The following RETREG3 variants were observed in gnomAD, a reference collection of about 807,000 sequenced individuals.
RETREG3 encodes reticulophagy regulator family member 3.
In RETREG3, 23 loss-of-function variants were observed where a neutral mutation model predicts 50.2. The ratio of observed to expected loss-of-function variants is 0.46; its 90% CI spans 0.33 to 0.65. RETREG3 has a LOEUF of 0.65. RETREG3 is among the 30% of genes least tolerant of loss of function. The pLI is 0.02. For missense variants in RETREG3, 546 were observed against 598.0 expected (o/e 0.91, Z 0.91); for synonymous variants, 240 against 234.4 (o/e 1.02, Z -0.22).
At chr17:42,588,648 G>A (rs570814777) in intron 2 of RETREG3, among the ~76,000 whole-genome samples, 12 of 151,002 alleles carry the variant, frequency 7.9e-5, no homozygotes, top group South Asian at 2.1e-4. Context: ...GTACCCAGCC[G>A]AAATCTGCCT....
chr17:42,592,302 A>G (rs4793253), intron 1 of RETREG3, 140 bp from the exon 2 acceptor site: 239,833 of 617,478 alleles, frequency 0.39, 48,789 homozygotes, highest in East Asian at 0.53. Context: ...CTAGTTATAC[A>G]CCTAGGGTAA....
chr17:42,583,245 T>C (rs923962073), intron 7 of RETREG3, among the ~76,000 whole-genome samples: 2 of 152,122 alleles, frequency 1.3e-5, no homozygotes, highest in Non-Finnish European at 1.5e-5. Flanking sequence ...TCTTCCATAA[T>C]GGTAGGGTAA....
At chr17:42,607,066 T>C (rs981804574) in intron 1 of RETREG3, among the ~76,000 whole-genome samples, 1 of 152,024 alleles carries the variant, frequency 6.6e-6, no homozygotes, top group Non-Finnish European at 1.5e-5. Flanking sequence ...TACAAATTGG[T>C]TTAATGAGGC....
intron 2 of RETREG3, among the ~76,000 whole-genome samples, chr17:42,591,623 C>T (rs181493423): frequency 9.2e-5 from 14 of 152,270 alleles, no homozygotes; most frequent in Admixed American, 3.9e-4. Flanking sequence ...TACTAATAGG[C>T]GTTAGCCACT....
At chr17:42,583,219 T>C (rs2093113775) in intron 7 of RETREG3, among the ~76,000 whole-genome samples, 2 of 152,290 alleles carry the variant, frequency 1.3e-5, no homozygotes, top group Admixed American at 1.3e-4. Flanking sequence ...AAGATGATCA[T>C]ACTAGCTCCA....
chr17:42,592,114 G>A lies in RETREG3; in HGVS notation c.288C>T (p.Gly96=). The A allele has an allele frequency of 6.2e-7, 1 of 1,613,842 alleles. No individual in the cohort carries two copies. Among genetic ancestry groups the A allele is most frequent in the Non-Finnish European group, 8.5e-7 (1 of 1,179,948 alleles). Residue 96 remains glycine (G), a synonymous_variant, in exon 2 of 9, where the codon GGC becomes GGT. Transcript: ENST00000309428. The part of the protein sequence containing the change: ...SLRLVFLLAF[G]LMIIVCIDQW... Reference sequence around the variant, plus strand: ...GATCAATACACACAATGATCATCAAGCCAAATGCAAGTAAAAACACAAGAC... The same window carrying A: ...GATCAATACACACAATGATCATCAAACCAAATGCAAGTAAAAACACAAGAC...
At chr17:42,596,177 T>G (rs1226425880) in intron 1 of RETREG3, among the ~76,000 whole-genome samples, 1 of 150,824 alleles carries the variant, frequency 6.6e-6, no homozygotes, top group Non-Finnish European at 1.5e-5. Flanking sequence ...GAGACCAGCC[T>G]GGACAATATA....
At chr17:42,600,755 G>A (rs2093156906) in intron 1 of RETREG3, among the ~76,000 whole-genome samples, 1 of 152,148 alleles carries the variant, frequency 6.6e-6, no homozygotes, top group Non-Finnish European at 1.5e-5. Context: ...AAAGTGTGAA[G>A]ACAGGCTATT....
chr17:42,594,054 A>G (rs1398146875), intron 1 of RETREG3, among the ~76,000 whole-genome samples: 2 of 152,206 alleles, frequency 1.3e-5, no homozygotes, highest in African/African-American at 4.8e-5. Context: ...TGAGCTGAGC[A>G]TGGTGGCGCG....
rs757604602 is a variant in RETREG3, at chr17:42,582,202, T to C, written c.1012A>G (p.Met338Val). 6.2e-6 allele frequency: 10 copies of C among 1,613,576 alleles called. No individual in the cohort carries two copies. Residue 338 changes from methionine (M) to valine (V), a missense_variant, in exon 9 of 9, where the codon ATG (methionine) becomes GTG (valine). By Grantham distance (21) the Met-to-Val change is conservative. Coordinates refer to ENST00000309428, the MANE Select transcript of RETREG3 (RefSeq NM_178126.4). Reference protein sequence around the residue: ...RDLPDFPSINMDPAGLDDEDD... With the variant: ...RDLPDFPSINVDPAGLDDEDD... ...TCATCATCCAGGCCAGCAGGATCCA[T>C]ATTAATGGAAGGGAAGTCTGGAAGG... is the stretch of plus-strand genomic sequence containing the variant.
chr17:42,608,002 G>C (rs2093171496), intron 1 of RETREG3, among the ~76,000 whole-genome samples: 1 of 152,096 alleles, frequency 6.6e-6, no homozygotes, highest in Non-Finnish European at 1.5e-5. Flanking sequence ...AATGAACTTG[G>C]AATTATTTGT....
intron 7 of RETREG3, among the ~76,000 whole-genome samples, chr17:42,583,279 T>G (rs1487838061): frequency 6.6e-6 from 1 of 152,064 alleles, no homozygotes; most frequent in African/African-American, 2.4e-5. Context: ...AGAGCGGTGC[T>G]GGGCATCAGG....
At position 42,587,844 on chromosome 17, in the gene RETREG3, C is replaced by A; in HGVS notation, c.367G>T (p.Asp123Tyr). Residue 123 changes from aspartate (D) to tyrosine (Y), a missense_variant, in exon 3 of 9, where the codon GAC becomes TAC. Asp to Tyr is a radical substitution (Grantham distance 160). Coordinates refer to ENST00000309428, the MANE Select transcript of RETREG3 (RefSeq NM_178126.4). ...ATTAGTGTTCCATACCTCTCATTGT[C>A]TAATGCGTCGGGTCTTGGCACTACA... ...EIKVPRPDAL[D>Y]NESWGFVHPR... The A allele has an allele frequency of 6.2e-7, 1 of 1,614,158 alleles. No individual in the cohort carries two copies. Among genetic ancestry groups the A allele is most frequent in the Non-Finnish European group, 8.5e-7 (1 of 1,180,028 alleles).
At chr17:42,608,958 G>A (rs1213097697) in intron 1 of RETREG3, 128 bp downstream of exon 1, 1 of 938,272 alleles carries the variant, frequency 1.1e-6, no homozygotes, top group African/African-American at 1.7e-5. Context: ...GGAAGGAGGT[G>A]AGGCAAAATT....
rs1318776145 is a variant in RETREG3 at position 42,586,751 on chromosome 17, G to A, written c.504+14C>T. 4 of 1,612,772 alleles carry A rather than the reference G, an allele frequency of 2.5e-6. No individual in the cohort carries two copies. Among genetic ancestry groups the A allele is most frequent in the East Asian group, 2.2e-5 (1 of 44,840 alleles). On this transcript the variant is annotated intron_variant, in intron 4 of 8. Coordinates refer to ENST00000309428, the MANE Select transcript of RETREG3 (RefSeq NM_178126.4). ...AGAGGCCAGAGATGAAAGTGAAAAAGGGAAGAGTCTTACCTTGCCTGGGTT... is the reference window on the plus strand; with the variant it reads ...AGAGGCCAGAGATGAAAGTGAAAAAAGGAAGAGTCTTACCTTGCCTGGGTT...
In RETREG3 at chr17:42,583,548, T is replaced by C. The variant is rs755518358; in HGVS notation, c.760A>G (p.Met254Val). The change falls in exon 7 of 9, where the codon ATG becomes GTG. Residue 254 changes from methionine to valine, a missense_variant. Met to Val is a conservative substitution (Grantham distance 21, BLOSUM62 1). Transcript: ENST00000309428. ...TCTTCGCTGTCACTGTGGTTGTCCA[T>C]GGCTCGTTCTGGGTGGAGAGCTCTG... ...RRRALHPERA[M>V]DNHSDSEEEL... 38 of 1,613,752 alleles carry C rather than the reference T, an allele frequency of 2.4e-5. No homozygotes were observed. Among genetic ancestry groups the C allele is most frequent in the Middle Eastern group, 1.6e-4 (1 of 6,082 alleles).
chr17:42,599,956 T>G (rs1302977559), intron 1 of RETREG3, among the ~76,000 whole-genome samples: 1 of 151,978 alleles, frequency 6.6e-6, no homozygotes, highest in Non-Finnish European at 1.5e-5. Flanking sequence ...ATCGTGCCAC[T>G]GTACCCCAGC....
intron 1 of RETREG3, among the ~76,000 whole-genome samples, chr17:42,603,741 A>G (rs972364295): frequency 1.3e-5 from 2 of 152,126 alleles, no homozygotes; most frequent in Non-Finnish European, 2.9e-5. Context: ...ACTTTGGGAG[A>G]CCGAGGCGGG....
chr17:42,592,345 A>T (rs1339904913), intron 1 of RETREG3, among the ~76,000 whole-genome samples, 183 bp from the exon 2 acceptor site: 1 of 152,194 alleles, frequency 6.6e-6, no homozygotes, highest in Non-Finnish European at 1.5e-5. Context: ...TAACTACTCT[A>T]CCTATGGGGC....
Sources: allele counts gnomAD v4.1 joint callset (sites outside exome capture counted in the v4.1 genomes callset), GRCh38; gene constraint gnomAD v4.1.1; transcripts MANE v1.5; gene names NCBI Gene and HGNC (gene_info 2026-07-23, HGNC 2026-07-21).